UBR2: variants seen among roughly 807,000 people sequenced by gnomAD.
The protein encoded by UBR2 is E3 ubiquitin-protein ligase UBR2.
Under a neutral mutation model 247.9 loss-of-function variants are expected in UBR2, and 92 were observed. The ratio of observed to expected loss-of-function variants is 0.37; its 90% confidence interval spans 0.31 to 0.44. The LOEUF (loss-of-function observed/expected upper bound fraction) is 0.44. Ranked by LOEUF, UBR2 falls within the 20% of genes least tolerant of loss-of-function variation. The pLI is 1.00. For synonymous variants in UBR2, 672 were observed against 693.5 expected (o/e 0.97, Z 0.49); for missense variants, 1,613 against 2,112.6 (o/e 0.76, Z 4.64).
At position 42,691,132 on chromosome 6, in the gene UBR2, G is replaced by A. The variant is rs1475057907; in HGVS notation, c.5227G>A (p.Ala1743Thr). The change falls in exon 47 of 47, where the codon GCC becomes ACC. Residue 1743 changes from alanine (A) to threonine (T), a missense_variant. By Grantham distance (58) the Ala-to-Thr change is moderately conservative. Around this residue, in one of 3 missense-constraint regions of UBR2, gnomAD observed 80 missense variants for 108.6 expected, o/e 0.74. Coordinates refer to ENST00000372901, the MANE Select transcript of UBR2 (RefSeq NM_001363705.2). ...VTEEIGHAQEANQTLVGIDWQ... is the reference protein window; with the variant it reads ...VTEEIGHAQETNQTLVGIDWQ... The stretch of plus-strand genomic sequence containing the variant: ...AGAGGAAATTGGACATGCACAGGAA[G>A]CCAATCAGACACTGGTTGGCATTGA... The A allele has an allele frequency of 1.2e-6, 2 of 1,614,006 alleles. No individual in the cohort carries two copies. Among genetic ancestry groups the A allele is most frequent in the South Asian group, 1.1e-5 (1 of 91,086 alleles).
intron 1 of UBR2, 109 bp downstream of exon 1, chr6:42,564,506 A>G (rs931301639): frequency 2.7e-5 from 34 of 1,278,738 alleles, no homozygotes; most frequent in Middle Eastern, 2.7e-4. Flanking sequence ...TTGGGGAAAC[A>G]GCTGTGCCGG....
chr6:42,624,610 G>T (rs1479542382), intron 11 of UBR2, among the ~76,000 whole-genome samples: 1 of 152,142 alleles, frequency 6.6e-6, no homozygotes, highest in South Asian at 2.1e-4. Context: ...CCCCCTGAAG[G>T]CTTGGAGGTT....
chr6:42,631,075 G>A (rs1187027382), intron 11 of UBR2, among the ~76,000 whole-genome samples: 1 of 152,152 alleles, frequency 6.6e-6, no homozygotes, highest in Non-Finnish European at 1.5e-5. Flanking sequence ...AAGTGCTGGC[G>A]TTACAGACGT....
intron 2 of UBR2, among the ~76,000 whole-genome samples, chr6:42,584,085 C>T (rs770506505): frequency 6.6e-6 from 1 of 151,636 alleles, no homozygotes; most frequent in Non-Finnish European, 1.5e-5. Context: ...GCAATCTCCG[C>T]CTACTGGGTT....
At chr6:42,648,452 T>C (rs898586562) in intron 22 of UBR2, among the ~76,000 whole-genome samples, 1 of 152,222 alleles carries the variant, frequency 6.6e-6, no homozygotes, top group Admixed American at 6.5e-5. Context: ...ACCTCAGCAG[T>C]GATCTAAGTA....
At chr6:42,586,538 CTTTTTT>C (rs147830824) in intron 2 of UBR2, among the ~76,000 whole-genome samples, 4 of 97,256 alleles carry the variant, frequency 4.1e-5, no homozygotes, top group African/African-American at 1.7e-4. Context: ...GTTTGTCTCT[CTTTTTT>C]TTTTTTTTTT....
intron 44 of UBR2, among the ~76,000 whole-genome samples, chr6:42,687,626 C>T (rs187174758): frequency 5.3e-5 from 8 of 152,116 alleles, no homozygotes; most frequent in Admixed American, 3.3e-4. Flanking sequence ...CAGCAACCTC[C>T]GCCTCCCAGG....
intron 7 of UBR2, among the ~76,000 whole-genome samples, chr6:42,611,464 A>C (rs1414444326): frequency 6.6e-6 from 1 of 151,954 alleles, no homozygotes; most frequent in African/African-American, 2.4e-5. Context: ...CATCTCAAAA[A>C]AAAAAAAAAA....
intron 23 of UBR2, among the ~76,000 whole-genome samples, chr6:42,651,499 T>C (rs1471643618): frequency 2.0e-5 from 3 of 152,008 alleles, no homozygotes; most frequent in African/African-American, 7.3e-5. Context: ...ATATCTTTTT[T>C]ATTTTTTATT....
intron 2 of UBR2, among the ~76,000 whole-genome samples, chr6:42,585,487 G>T (rs186608099): frequency 6.6e-6 from 1 of 152,108 alleles, no homozygotes; most frequent in African/African-American, 2.4e-5. Flanking sequence ...CTTATTTCTG[G>T]AAGTATTTAT....
chr6:42,576,522 CTTTTTTTTT>C (rs58739895), intron 2 of UBR2, among the ~76,000 whole-genome samples: 1 of 86,134 alleles, frequency 1.2e-5, no homozygotes, highest in Non-Finnish European at 2.2e-5. Flanking sequence ...GCCTTTCCCT[CTTTTTTTTT>C]TTTTTTTTTT....
intron 42 of UBR2, among the ~76,000 whole-genome samples, chr6:42,680,853 G>A (rs968253819): frequency 3.3e-5 from 5 of 152,286 alleles, no homozygotes; most frequent in African/African-American, 1.2e-4. Context: ...AGGATCACTT[G>A]AGCCCAGAAG....
At chr6:42,665,034 A>G (rs904559218) in intron 32 of UBR2, among the ~76,000 whole-genome samples, 2 of 152,244 alleles carry the variant, frequency 1.3e-5, no homozygotes, top group Non-Finnish European at 2.9e-5. Flanking sequence ...AACAAAATGT[A>G]GGGATATTTT....
chr6:42,607,627 G>A (rs917496304), intron 7 of UBR2, among the ~76,000 whole-genome samples: 11 of 144,336 alleles, frequency 7.6e-5, no homozygotes, highest in Admixed American at 7.0e-4. Context: ...CAGTTCTTGT[G>A]CCTCAGCCTC....
At chr6:42,593,160 C>G (rs573468723) in intron 3 of UBR2, among the ~76,000 whole-genome samples, 3 of 152,006 alleles carry the variant, frequency 2.0e-5, no homozygotes, top group African/African-American at 7.3e-5. Flanking sequence ...GGCGACAGAG[C>G]GAGACTCCAT....
intron 3 of UBR2, among the ~76,000 whole-genome samples, chr6:42,593,783 G>A (rs1190225938): frequency 2.0e-5 from 3 of 152,134 alleles, no homozygotes; most frequent in African/African-American, 7.2e-5. Flanking sequence ...AGCAAATGCA[G>A]CACCCTTAGA....
Position 42,676,164 on chromosome 6 carries a change from A to G in UBR2, c.4360A>G (p.Ile1454Val), listed in dbSNP as rs1197961859. The change falls in exon 39 of 47, where the codon ATA becomes GTA. Residue 1454 changes from isoleucine to valine, a missense_variant. Transcript: ENST00000372901. ...IFHLVTMAHI[I>V]QILLTSCTEE... ...CCATCTGGTTACTATGGCACACATC[A>G]TACAGATCTTACTTACCTCATGTAC... The G allele has an allele frequency of 1.2e-6, 2 of 1,612,648 alleles. No homozygotes were observed. The highest frequency in any genetic ancestry group is 1.7e-5 in the Admixed American group (1 of 59,506).
At chr6:42,599,276 C>T (rs911282047) in intron 4 of UBR2, among the ~76,000 whole-genome samples, 2 of 152,154 alleles carry the variant, frequency 1.3e-5, no homozygotes, top group African/African-American at 4.8e-5. Context: ...CCCAAAACAG[C>T]CTCATAAGAT....
rs1796031597 is a variant in UBR2, at chr6:42,635,475, G to A, written c.1603G>A (p.Glu535Lys). The stretch of plus-strand genomic sequence containing the variant: ...ACATATTGAAATGGAACCAGAGTGG[G>A]AAGCAGCCTTCACACTACAAATGAA... ...GQHIEMEPEWEAAFTLQMKLT... is the reference protein window; with the variant it reads ...GQHIEMEPEWKAAFTLQMKLT... The change falls in exon 14 of 47, where the codon GAA becomes AAA. Residue 535 changes from glutamate to lysine, a missense_variant. Physicochemically the swap from Glu to Lys is moderately conservative, Grantham distance 56 (BLOSUM62 1). This residue lies in a region of UBR2 where 1,524 missense variants were observed against 1,967.3 expected (regional missense o/e 0.77). Coordinates refer to ENST00000372901, the MANE Select transcript of UBR2 (RefSeq NM_001363705.2). 1 of 1,613,830 alleles carries A rather than the reference G, an allele frequency of 6.2e-7. No individual in the cohort carries two copies. The highest frequency in any genetic ancestry group is 8.5e-7 in the Non-Finnish European group (1 of 1,179,794).
Sources: allele counts gnomAD v4.1 joint callset (sites outside exome capture counted in the v4.1 genomes callset), GRCh38; gene constraint gnomAD v4.1.1; regional missense constraint gnomAD v4.1.1; transcripts MANE v1.5; gene names NCBI Gene and HGNC (gene_info 2026-07-23, HGNC 2026-07-21).